PIBF1: variants seen among roughly 807,000 people sequenced by gnomAD.
The protein encoded by PIBF1 is progesterone immunomodulatory binding factor 1, also known as progesterone-induced-blocking factor 1.
PIBF1 carries 90 observed loss-of-function variants against 112.5 expected under a neutral mutation model. The ratio of observed to expected loss-of-function variants is 0.80; its 90% CI spans 0.67 to 0.95. The LOEUF is 0.95. Ranked by LOEUF, PIBF1 falls within the 40% of genes least tolerant of loss-of-function variation. The probability of loss-of-function intolerance (pLI) is 0.00; values close to 1 mark genes in which losing one functional copy is unlikely to be tolerated. For missense variants in PIBF1, 915 were observed against 852.3 expected, an observed-to-expected ratio of 1.07 and a Z score of -0.92; for synonymous variants, 301 against 288.6, an observed-to-expected ratio of 1.04 and a Z score of -0.44.
chr13:72,796,222 G>A (rs1342688013), intron 4 of PIBF1, among the ~76,000 whole-genome samples: 3 of 152,204 alleles, frequency 2.0e-5, no homozygotes, highest in African/African-American at 7.2e-5. Flanking sequence ...CCACTGAACA[G>A]TCATGAGAGA....
intron 11 of PIBF1, among the ~76,000 whole-genome samples, chr13:72,900,061 T>C (rs2040426133): frequency 6.6e-6 from 1 of 152,074 alleles, no homozygotes; most frequent in Admixed American, 6.6e-5. Context: ...TTGAAAGACC[T>C]TTACAAGGAA....
intron 10 of PIBF1, among the ~76,000 whole-genome samples, chr13:72,867,779 G>C (rs9543150): frequency 6.6e-6 from 1 of 151,944 alleles, no homozygotes; most frequent in Non-Finnish European, 1.5e-5. Flanking sequence ...GGAAAGTGTC[G>C]GTATTTTTTG....
At chr13:72,892,266 G>A (rs1246123712) in intron 10 of PIBF1, among the ~76,000 whole-genome samples, 2 of 151,992 alleles carry the variant, frequency 1.3e-5, no homozygotes, top group Non-Finnish European at 2.9e-5. Flanking sequence ...TATAATTAAT[G>A]CCAGGATTTT....
At chr13:72,834,091 A>G (rs2037243761) in intron 8 of PIBF1, among the ~76,000 whole-genome samples, 1 of 152,190 alleles carries the variant, frequency 6.6e-6, no homozygotes, top group African/African-American at 2.4e-5. Context: ...TTTTAAAGAA[A>G]GTATGAAAGT....
At chr13:73,005,730 G>A (rs1229683104) in intron 17 of PIBF1, among the ~76,000 whole-genome samples, 1 of 152,020 alleles carries the variant, frequency 6.6e-6, no homozygotes, top group Non-Finnish European at 1.5e-5. Context: ...TCCTAACACT[G>A]TGCCTCCCAA....
intron 15 of PIBF1, among the ~76,000 whole-genome samples, chr13:72,971,942 G>A (rs2042901605): frequency 1.0e-5 from 1 of 95,636 alleles, no homozygotes; most frequent in African/African-American, 4.6e-5. Context: ...GCCTACTACT[G>A]TTTCTTGAAT....
chr13:72,936,554 T>C (rs1160967253), intron 14 of PIBF1, among the ~76,000 whole-genome samples: 1 of 152,246 alleles, frequency 6.6e-6, no homozygotes, highest in African/African-American at 2.4e-5. Flanking sequence ...GAAATTGATA[T>C]GTTTGCATAA....
At chr13:72,992,640 A>G (rs2043517314) in intron 16 of PIBF1, among the ~76,000 whole-genome samples, 1 of 152,052 alleles carries the variant, frequency 6.6e-6, no homozygotes, top group Non-Finnish European at 1.5e-5. Flanking sequence ...CAAAAATGAA[A>G]GATAAAAAAA....
intron 12 of PIBF1, among the ~76,000 whole-genome samples, chr13:72,915,144 A>AT (rs1250816872): frequency 6.6e-6 from 1 of 151,936 alleles, no homozygotes; most frequent in Non-Finnish European, 1.5e-5. Context: ...GATATGTTAT[A>AT]TGCAGATATA....
chr13:72,844,003 A>C (rs1226408792), intron 9 of PIBF1, among the ~76,000 whole-genome samples: 1 of 152,202 alleles, frequency 6.6e-6, no homozygotes, highest in African/African-American at 2.4e-5. Context: ...TTTAATTTAC[A>C]TTTTCATATT....
chr13:72,895,441 C>A (rs2040244050), intron 11 of PIBF1, among the ~76,000 whole-genome samples: 1 of 151,314 alleles, frequency 6.6e-6, no homozygotes, highest in Non-Finnish European at 1.5e-5. Flanking sequence ...AGAGGACATG[C>A]CTTCGCCTTC....
chr13:72,883,759 A>AT (rs2039735638), intron 10 of PIBF1, among the ~76,000 whole-genome samples: 1 of 152,192 alleles, frequency 6.6e-6, no homozygotes, highest in Non-Finnish European at 1.5e-5. Context: ...AACTTCTGGA[A>AT]TTACAAGCGT....
rs148454170 is a variant in PIBF1 at position 72,827,080 on chromosome 13, A to G, written c.877A>G (p.Met293Val). ...RKHEILEASH[M>V]IQTKERSELS... ...ACATGAAATACTTGAAGCCTCTCAC[A>G]TGATTCAAACAAAAGAACGAAGTGA... Residue 293 changes from methionine (M) to valine (V), a missense_variant, in exon 7 of 18, where the codon ATG (methionine) becomes GTG (valine). Physicochemically the swap from Met to Val is conservative, Grantham distance 21. Coordinates refer to ENST00000326291, the MANE Select transcript of PIBF1 (RefSeq NM_006346.4). 7.5e-6 allele frequency: 12 copies of G among 1,604,260 alleles called. No homozygotes were observed. Among genetic ancestry groups the G allele is most frequent in the Non-Finnish European group, 9.4e-6 (11 of 1,174,386 alleles).
rs1466335856 is a variant in PIBF1, at chr13:72,783,443, G to A, written c.-27G>A. The A allele has an allele frequency of 6.8e-7, 1 of 1,465,830 alleles. No homozygotes were observed. Among genetic ancestry groups the A allele is most frequent in the South Asian group, 1.2e-5 (1 of 82,894 alleles). The allele number at this position is 1,465,830 out of a possible 1,614,324, so 90.8% of individuals were successfully genotyped here. On this transcript the variant is annotated 5_prime_UTR_variant, in exon 2 of 18. Coordinates refer to ENST00000326291, the MANE Select transcript of PIBF1 (RefSeq NM_006346.4). ...TACAGAATATTAAAATCAAATTAGAGAAGAAAACTGATCCATAATAATAAA... is the reference window on the plus strand; with the variant it reads ...TACAGAATATTAAAATCAAATTAGAAAAGAAAACTGATCCATAATAATAAA...
intron 9 of PIBF1, among the ~76,000 whole-genome samples, chr13:72,851,550 T>G (rs1465699484): frequency 6.6e-6 from 1 of 152,178 alleles, no homozygotes; most frequent in Non-Finnish European, 1.5e-5. Flanking sequence ...CCTTTGGCAC[T>G]CCAGGCTGGG....
At chr13:72,984,818 C>G (rs753845232) in intron 16 of PIBF1, among the ~76,000 whole-genome samples, 8 of 152,086 alleles carry the variant, frequency 5.3e-5, no homozygotes, top group Non-Finnish European at 1.0e-4. Context: ...TCCTACAAGT[C>G]AGTTCAGTCT....
At chr13:72,783,858 T>C (rs1415911339) in intron 2 of PIBF1, 137 bp downstream of exon 2, 1 of 908,468 alleles carries the variant, frequency 1.1e-6, no homozygotes, top group Admixed American at 2.7e-5. Context: ...CTTTAAATAA[T>C]TTTGGTGTTC....
intron 14 of PIBF1, among the ~76,000 whole-genome samples, chr13:72,947,264 C>T (rs1021843373): frequency 6.6e-6 from 1 of 152,138 alleles, no homozygotes; most frequent in Non-Finnish European, 1.5e-5. Flanking sequence ...TACATTGGCC[C>T]GAGCTGTACA....
Position 72,798,116 on chromosome 13 carries a change from T to G in PIBF1, c.672+90T>G, listed in dbSNP as rs1283990161. ...TTGTGATAAGGCATATAAAAGTCAG[T>G]GATTGAAAAATGGGACTATGGGATG... On this transcript the variant is annotated intron_variant, in intron 5 of 17. Transcript: ENST00000326291. 4.4e-6 allele frequency: 6 copies of G among 1,379,162 alleles called. No homozygotes were observed. In the Middle Eastern group the frequency reaches 9.4e-4, roughly 217 times the overall value. The allele number at this position is 1,379,162 out of a possible 1,614,324, so 85.4% of individuals were successfully genotyped here.
Sources: allele counts gnomAD v4.1 joint callset (sites outside exome capture counted in the v4.1 genomes callset), GRCh38; gene constraint gnomAD v4.1.1; transcripts MANE v1.5; gene names NCBI Gene and HGNC (gene_info 2026-07-23, HGNC 2026-07-21).